Variants in DIAPH3 observed in about 807,000 individuals in gnomAD.
DIAPH3 encodes diaphanous related formin 3, also known as protein diaphanous homolog 3.
A neutral mutation model predicts 144.3 loss-of-function variants in DIAPH3; 117 were observed. The observed-to-expected ratio is 0.81, with a 90% CI of 0.70 to 0.95. The LOEUF (loss-of-function observed/expected upper bound fraction) is 0.95, where lower values mean the gene tolerates loss of function less well. DIAPH3 is among the 40% of genes least tolerant of loss of function. The pLI is 0.00. For missense variants in DIAPH3, 1,421 were observed against 1,412.7 expected (o/e 1.01, Z -0.09); for synonymous variants, 519 against 488.9 (o/e 1.06, Z -0.81).
intron 1 of DIAPH3, among the ~76,000 whole-genome samples, chr13:60,141,263 A>C (rs2059420110): frequency 6.6e-6 from 1 of 152,214 alleles, no homozygotes; most frequent in Admixed American, 6.5e-5. Context: ...TGATGCCAAA[A>C]TATAAGAAAT....
chr13:59,965,429 T>C (rs774618105), intron 17 of DIAPH3, among the ~76,000 whole-genome samples: 5 of 151,964 alleles, frequency 3.3e-5, no homozygotes, highest in Admixed American at 6.6e-5. Context: ...ATAATGAAAG[T>C]AGTTAATATT....
rs527358540 is a variant in DIAPH3 at position 59,832,540 on chromosome 13, T to C, written c.3027+567A>G. 5.9e-5 allele frequency among the ~76,000 whole-genome samples: 9 copies of C among 151,920 alleles called. No individual in the cohort carries two copies. The East Asian group carries it at 1.7e-3, about 29-fold the overall frequency. On this transcript the variant is annotated intron_variant, in intron 24 of 27. Coordinates refer to ENST00000400324, the MANE Select transcript of DIAPH3 (RefSeq NM_001042517.2). Reference sequence around the variant, plus strand: ...CCTTCTCACTTTAATATGTGTGTAGTTCTTTTCTTCCCCCCACCTAATCAG... The same window carrying C: ...CCTTCTCACTTTAATATGTGTGTAGCTCTTTTCTTCCCCCCACCTAATCAG...
intron 3 of DIAPH3, among the ~76,000 whole-genome samples, chr13:60,102,924 G>A (rs937095617): frequency 6.6e-6 from 1 of 152,006 alleles, no homozygotes; most frequent in South Asian, 2.1e-4. Flanking sequence ...TCTGTAACTT[G>A]CACAAGGACA....
chr13:59,741,666 G>A (rs111865148), intron 27 of DIAPH3, among the ~76,000 whole-genome samples: 7 of 149,278 alleles, frequency 4.7e-5, no homozygotes, highest in African/African-American at 1.0e-4. Flanking sequence ...GCAGTAAGCC[G>A]TGATTGCACC....
chr13:59,705,299 C>G (rs935951729), intron 27 of DIAPH3, among the ~76,000 whole-genome samples: 2 of 152,146 alleles, frequency 1.3e-5, no homozygotes, highest in African/African-American at 4.8e-5. Context: ...ACCACAAACC[C>G]CTTCGAAAGT....
At chr13:59,904,901 A>G (rs373145756) in intron 20 of DIAPH3, among the ~76,000 whole-genome samples, 1 of 152,170 alleles carries the variant, frequency 6.6e-6, no homozygotes, top group African/African-American at 2.4e-5. Flanking sequence ...GAAAAAATAT[A>G]AACAACCAAT....
chr13:59,676,490 C>T (rs1204085026), intron 27 of DIAPH3, among the ~76,000 whole-genome samples: 1 of 152,152 alleles, frequency 6.6e-6, no homozygotes, highest in Non-Finnish European at 1.5e-5. Context: ...AGCCAAACAG[C>T]TATAGTTTCT....
chr13:59,891,076 T>A (rs150867863), intron 20 of DIAPH3, among the ~76,000 whole-genome samples: 1 of 152,026 alleles, frequency 6.6e-6, no homozygotes, highest in Non-Finnish European at 1.5e-5. Context: ...TTTTCCATTA[T>A]GTTTCCAAAA....
intron 2 of DIAPH3, among the ~76,000 whole-genome samples, chr13:60,119,507 G>A (rs576035813): frequency 8.5e-4 from 130 of 152,068 alleles, no homozygotes; most frequent in Non-Finnish European, 1.3e-3. Flanking sequence ...CAGCACTTTG[G>A]GAGGCCGAGG....
chr13:60,059,893 T>C (rs1256945276), intron 4 of DIAPH3, among the ~76,000 whole-genome samples: 3 of 152,040 alleles, frequency 2.0e-5, no homozygotes, highest in African/African-American at 2.4e-5. Context: ...AAAACTTCAT[T>C]GGGCATTTAC....
chr13:60,054,317 G>A (rs760500381), intron 4 of DIAPH3, among the ~76,000 whole-genome samples: 1 of 151,964 alleles, frequency 6.6e-6, no homozygotes, highest in Non-Finnish European at 1.5e-5. Flanking sequence ...CTAGATTCTA[G>A]ATCCTTCTCC....
At chr13:59,734,832 CA>C (rs2036062925) in intron 27 of DIAPH3, among the ~76,000 whole-genome samples, 1 of 152,060 alleles carries the variant, frequency 6.6e-6, no homozygotes, top group Non-Finnish European at 1.5e-5. Context: ...AGATTAATGC[CA>C]AAAGTTTATT....
intron 27 of DIAPH3, among the ~76,000 whole-genome samples, chr13:59,754,893 G>C (rs1282447158): frequency 1.8e-4 from 27 of 152,124 alleles, no homozygotes. Flanking sequence ...ACCAAGGCTG[G>C]AATGATTATG....
At chr13:59,774,557 T>A (rs1198769102) in intron 26 of DIAPH3, among the ~76,000 whole-genome samples, 171 bp downstream of exon 26, 3 of 152,206 alleles carry the variant, frequency 2.0e-5, no homozygotes. Context: ...GGAATGCATA[T>A]CTCTCTGACA....
At chr13:59,807,473 T>C (rs1036397132) in intron 25 of DIAPH3, among the ~76,000 whole-genome samples, 1 of 152,060 alleles carries the variant, frequency 6.6e-6, no homozygotes, top group Non-Finnish European at 1.5e-5. Flanking sequence ...AGCAAATTCA[T>C]ATGTATGATA....
At chr13:59,958,263 T>C (rs1330517102) in intron 17 of DIAPH3, among the ~76,000 whole-genome samples, 1 of 152,170 alleles carries the variant, frequency 6.6e-6, no homozygotes, top group African/African-American at 2.4e-5. Flanking sequence ...CATTATTAGG[T>C]CTGCGTAACA....
At chr13:59,692,786 A>G (rs1008102485) in intron 27 of DIAPH3, among the ~76,000 whole-genome samples, 1 of 152,048 alleles carries the variant, frequency 6.6e-6, no homozygotes, top group African/African-American at 2.4e-5. Context: ...TCCTTGTTTC[A>G]TGTTTTCCAG....
At chr13:59,956,348 G>A (rs2049400110) in intron 17 of DIAPH3, among the ~76,000 whole-genome samples, 1 of 152,212 alleles carries the variant, frequency 6.6e-6, no homozygotes. Context: ...GCAGTCTCGG[G>A]ACTTGGTGCC....
intron 19 of DIAPH3, among the ~76,000 whole-genome samples, chr13:59,915,695 A>G (rs1303330709): frequency 6.6e-6 from 1 of 152,120 alleles, no homozygotes; most frequent in Non-Finnish European, 1.5e-5. Context: ...AATACTATGT[A>G]AACAATCTCT....
Sources: allele counts gnomAD v4.1 joint callset (sites outside exome capture counted in the v4.1 genomes callset), GRCh38; gene constraint gnomAD v4.1.1; transcripts MANE v1.5; gene names NCBI Gene and HGNC (gene_info 2026-07-23, HGNC 2026-07-21).